Variants in SLC13A3 observed in about 807,000 individuals in gnomAD.
SLC13A3 encodes the protein solute carrier family 13 member 3, also known as Na(+)/dicarboxylate cotransporter 3.
SLC13A3 carries 40 observed loss-of-function variants against 59.0 expected under a neutral mutation model. The observed-to-expected ratio is 0.68, with a 90% CI of 0.53 to 0.88. The LOEUF is 0.88. SLC13A3 is among the 40% of genes least tolerant of loss of function. The pLI is 0.00. For missense variants in SLC13A3, 699 were observed against 783.2 expected (o/e 0.89, Z 1.28); for synonymous variants, 317 against 330.3 (o/e 0.96, Z 0.44).
intron 1 of SLC13A3, among the ~76,000 whole-genome samples, chr20:46,648,942 TACACACACACAC>T (rs113495144): frequency 1.7e-5 from 2 of 114,696 alleles, no homozygotes; most frequent in Non-Finnish European, 1.8e-5. Context: ...CACACACACA[TACACACACACAC>T]ACACACACAC....
At chr20:46,583,747 T>G in intron 8 of SLC13A3, 78 bp from the exon 9 acceptor site, 1 of 1,577,986 alleles carries the variant, frequency 6.3e-7, no homozygotes, top group Non-Finnish European at 8.6e-7. Flanking sequence ...TAAAGGAGGA[T>G]TTGTGGAAGG....
At chr20:46,566,115 T>C in intron 11 of SLC13A3, 114 bp downstream of exon 11, 1 of 812,938 alleles carries the variant, frequency 1.2e-6, no homozygotes, top group East Asian at 2.5e-5. Flanking sequence ...GTTCATGTAT[T>C]TTGGAAGACA....
intron 1 of SLC13A3, among the ~76,000 whole-genome samples, chr20:46,665,852 C>T (rs574430251): frequency 7.1e-4 from 108 of 152,326 alleles, no homozygotes; most frequent in African/African-American, 2.2e-3. Flanking sequence ...TTTCACAATC[C>T]CACCAGCAGT....
intron 1 of SLC13A3, 63 bp downstream of exon 1, chr20:46,651,248 G>T: frequency 7.0e-7 from 1 of 1,420,338 alleles, no homozygotes; most frequent in Non-Finnish European, 9.2e-7. Flanking sequence ...CCAACTTGGA[G>T]GCTTGGGAGA....
At chr20:46,623,833 A>G (rs2246374) in intron 1 of SLC13A3, among the ~76,000 whole-genome samples, 152,238 of 152,336 alleles carry the variant, frequency 1, 76,070 homozygotes, top group Middle Eastern at 1. Context: ...TATTAGCTCT[A>G]TTTTACTGAT....
At position 46,600,443 on chromosome 20, in the gene SLC13A3, GA is replaced by G. The variant is rs1351296328; in HGVS notation, c.542-407del. On this transcript the variant is annotated intron_variant, in intron 3 of 12. Transcript: ENST00000279027. ...GAAGGAAAGGAAGGAAGGAAGGAAG[GA>G]AAAGGAAAGGAAAAAGAAAAGAAAG... The G allele has an allele frequency of 3.5e-4, 62 of 176,934 alleles. 1 individual carries two copies. The highest frequency in any genetic ancestry group is 2.5e-3 in the South Asian group (17 of 6,722). 11.0% of individuals were successfully genotyped at this position (176,934 alleles called of 1,614,324 possible).
intron 1 of SLC13A3, among the ~76,000 whole-genome samples, chr20:46,615,034 C>A (rs75503795): frequency 0.041 from 6,193 of 152,212 alleles, 436 homozygotes; most frequent in African/African-American, 0.14. Flanking sequence ...TGTCAAACTA[C>A]ACACCTGTTC....
At chr20:46,650,830 C>G (rs1159112577) in intron 1 of SLC13A3, among the ~76,000 whole-genome samples, 3 of 152,090 alleles carry the variant, frequency 2.0e-5, no homozygotes, top group Non-Finnish European at 2.9e-5. Flanking sequence ...TATGGGAGAC[C>G]AAGGTGGGAG....
chr20:46,655,969 ATATGTATGTATATATGTATAT>A (rs981985118), upstream of SLC13A3, among the ~76,000 whole-genome samples: 2 of 142,396 alleles, frequency 1.4e-5, no homozygotes, highest in African/African-American at 5.2e-5. Context: ...ATATATGTAT[ATATGTATGTATATATGTATAT>A]ATGTATACTA....
At chr20:46,604,602 C>T (rs915916669) in intron 3 of SLC13A3, among the ~76,000 whole-genome samples, 9 of 152,148 alleles carry the variant, frequency 5.9e-5, no homozygotes, top group African/African-American at 1.7e-4. Context: ...CGTGGTACAC[C>T]GTTGGTACCA....
intron 12 of SLC13A3, among the ~76,000 whole-genome samples, chr20:46,561,397 G>C (rs1009934395): frequency 2.0e-5 from 3 of 152,140 alleles, no homozygotes; most frequent in African/African-American, 7.2e-5. Flanking sequence ...AATTTACTGA[G>C]ACCTGTCTCA....
At chr20:46,600,781 G>T (rs895029982) in intron 3 of SLC13A3, among the ~76,000 whole-genome samples, 1 of 152,186 alleles carries the variant, frequency 6.6e-6, no homozygotes, top group African/African-American at 2.4e-5. Flanking sequence ...TTCCATGGAG[G>T]TCATACTCTA....
chr20:46,559,871 T>G lies in SLC13A3; in HGVS notation c.*151A>C, dbSNP rs1004598118. 4.3e-5 allele frequency: 29 copies of G among 679,172 alleles called. No individual in the cohort carries two copies. In the African/African-American group the frequency reaches 5.2e-4, roughly 12 times the overall value. The allele number at this position is 679,172 out of a possible 1,614,324, so 42.1% of individuals were successfully genotyped here. A position where few individuals can be genotyped will look rare whatever the true frequency, so the allele number is the denominator to read the frequency against. On this transcript the variant is annotated 3_prime_UTR_variant, in exon 13 of 13. Coordinates refer to ENST00000279027, the MANE Select transcript of SLC13A3 (RefSeq NM_022829.6). Reference sequence around the variant, plus strand: ...AGAAAGTATCCTAGATAATGGCTCATGGACTTGAGTGGGCCACTGGAGGTC... The same window carrying G: ...AGAAAGTATCCTAGATAATGGCTCAGGGACTTGAGTGGGCCACTGGAGGTC...
chr20:46,657,389 C>G (rs564032113), intron 1 of SLC13A3, among the ~76,000 whole-genome samples: 154 of 151,280 alleles, frequency 1.0e-3, no homozygotes, highest in African/African-American at 3.7e-3. Flanking sequence ...AAAAAAAAGT[C>G]AGTGTGAGAC....
chr20:46,681,131 C>A (rs1038269067), intron 1 of SLC13A3, among the ~76,000 whole-genome samples: 4 of 152,222 alleles, frequency 2.6e-5, no homozygotes, highest in African/African-American at 9.6e-5. Context: ...ACCTTGTCAT[C>A]CCTGCAGCTT....
intron 1 of SLC13A3, chr20:46,613,999 G>A: frequency 2.7e-6 from 1 of 365,476 alleles, no homozygotes; most frequent in Non-Finnish European, 4.9e-6. Flanking sequence ...TCATAGGACT[G>A]TTTGAGAATG....
chr20:46,638,181 C>T (rs4809594), intron 1 of SLC13A3, among the ~76,000 whole-genome samples: 23,473 of 152,174 alleles, frequency 0.15, 2,912 homozygotes, highest in African/African-American at 0.31. Flanking sequence ...CCCATACCTG[C>T]GGCTGGGCAC....
chr20:46,567,605 G>C (rs1243888669), intron 10 of SLC13A3, among the ~76,000 whole-genome samples: 6 of 151,894 alleles, frequency 4.0e-5, no homozygotes, highest in African/African-American at 1.2e-4. Context: ...AGTCCTCCAG[G>C]GCAGAGACGG....
chr20:46,607,934 G>A (rs1048690538), intron 3 of SLC13A3, among the ~76,000 whole-genome samples: 5 of 152,156 alleles, frequency 3.3e-5, no homozygotes, highest in Non-Finnish European at 5.9e-5. Context: ...CTAAGAGTCC[G>A]CGCATAAACT....
Sources: gnomAD v4.1 joint callset for allele counts (sites outside exome capture counted in the v4.1 genomes callset) on GRCh38, gnomAD v4.1.1 for gene constraint, MANE v1.5 for transcripts, NCBI Gene and HGNC (gene_info 2026-07-23, HGNC 2026-07-21) for gene names.